Variants in CFAP69 observed in about 807,000 individuals in gnomAD.
The protein encoded by CFAP69 is cilia- and flagella-associated protein 69.
CFAP69 carries 92 observed loss-of-function variants against 123.0 expected under a neutral mutation model. The observed-to-expected ratio is 0.75, with a 90% CI of 0.63 to 0.89. The LOEUF (loss-of-function observed/expected upper bound fraction) is 0.89, where lower values mean the gene tolerates loss of function less well. Ranked by LOEUF, CFAP69 falls within the 40% of genes least tolerant of loss-of-function variation. CFAP69 has a pLI of 0.00. For missense variants in CFAP69, 1,067 were observed against 1,096.9 expected (o/e 0.97, Z 0.39); for synonymous variants, 380 against 364.3 (o/e 1.04, Z -0.49).
chr7:90,304,353 G>A, intron 18 of CFAP69: 1 of 1,252,394 alleles, frequency 8.0e-7, no homozygotes. Flanking sequence ...ATAGGATTAA[G>A]GACAGTTAGT....
chr7:90,286,521 G>C, intron 14 of CFAP69, 122 bp downstream of exon 14: 1 of 987,340 alleles, frequency 1.0e-6, no homozygotes, highest in Non-Finnish European at 1.5e-6. Context: ...TTAATAATTA[G>C]AGCATAATTA....
At position 90,265,286 on chromosome 7, in the gene CFAP69, T is replaced by G. The variant is rs1213819041; in HGVS notation, c.357-15T>G. 1 of 1,562,726 alleles carries G rather than the reference T, an allele frequency of 6.4e-7. No homozygotes were observed. Reference sequence around the variant, plus strand: ...TATTAAAAATTACTGTTACAATTCTTCATTCTTATTGAAGCTTGCCATTTT... The same window carrying G: ...TATTAAAAATTACTGTTACAATTCTGCATTCTTATTGAAGCTTGCCATTTT... On this transcript the variant is annotated splice_polypyrimidine_tract_variant and intron_variant, in intron 4 of 22. Coordinates refer to ENST00000389297, the MANE Select transcript of CFAP69 (RefSeq NM_001039706.3).
intron 11 of CFAP69, among the ~76,000 whole-genome samples, chr7:90,278,820 G>A (rs1443466227): frequency 2.6e-5 from 4 of 151,994 alleles, no homozygotes; most frequent in Non-Finnish European, 5.9e-5. Flanking sequence ...CTTAATTCTA[G>A]CAAGAATGTT....
At chr7:90,261,194 C>T (rs1798281353) in intron 3 of CFAP69, among the ~76,000 whole-genome samples, 1 of 152,092 alleles carries the variant, frequency 6.6e-6, no homozygotes, top group South Asian at 2.1e-4. Flanking sequence ...ATTCTCCTGC[C>T]TCAGCCTCCT....
At chr7:90,277,554 T>C (rs991725104) in intron 11 of CFAP69, among the ~76,000 whole-genome samples, 1 of 152,036 alleles carries the variant, frequency 6.6e-6, no homozygotes, top group Non-Finnish European at 1.5e-5. Context: ...CAGAGAAAAA[T>C]AGTAGAACCT....
At chr7:90,313,818 T>C (rs953722772), downstream of CFAP69, among the ~76,000 whole-genome samples, 1 of 152,188 alleles carries the variant, frequency 6.6e-6, no homozygotes, top group Non-Finnish European at 1.5e-5. Context: ...TAACTACCCA[T>C]TCTCAAGTAT....
intron 12 of CFAP69, 33 bp from the exon 13 acceptor site, chr7:90,282,859 T>G: frequency 7.0e-7 from 1 of 1,418,470 alleles, no homozygotes; most frequent in Non-Finnish European, 9.3e-7. Flanking sequence ...ATTTGAAATG[T>G]TTTTGTTTTA....
chr7:90,301,102 G>T (rs1249907280), intron 17 of CFAP69: 2 of 152,018 alleles, frequency 1.3e-5, no homozygotes, highest in African/African-American at 4.8e-5. Context: ...CTGAGTAGCT[G>T]GGTCTACAGG....
Position 90,247,839 on chromosome 7 carries a change from G to A in CFAP69, c.120+2295G>A, listed in dbSNP as rs903502756. Among the ~76,000 whole-genome samples, 7 of 152,108 alleles carry A rather than the reference G, an allele frequency of 4.6e-5. No homozygotes were observed. In the East Asian group the frequency reaches 7.7e-4, roughly 17 times the overall value. Reference sequence around the variant, plus strand: ...CAGCCTGGCGACAGAGTGAGCCTCCGTCTCAAAAAAACAAAACAAAACAAA... The same window carrying A: ...CAGCCTGGCGACAGAGTGAGCCTCCATCTCAAAAAAACAAAACAAAACAAA... On this transcript the variant is annotated intron_variant, in intron 1 of 22. Coordinates refer to ENST00000389297, the MANE Select transcript of CFAP69 (RefSeq NM_001039706.3).
chr7:90,256,034 G>A (rs759549610), intron 2 of CFAP69, among the ~76,000 whole-genome samples: 12 of 152,190 alleles, frequency 7.9e-5, no homozygotes, highest in East Asian at 7.7e-4. Context: ...ATCAAGAATC[G>A]ACTGAATGCC....
intron 11 of CFAP69, among the ~76,000 whole-genome samples, chr7:90,279,138 AACTG>A (rs1224709603): frequency 6.6e-6 from 1 of 152,102 alleles, no homozygotes; most frequent in East Asian, 1.9e-4. Flanking sequence ...CTTGTGACCT[AACTG>A]ACATTTATTT....
intron 17 of CFAP69, 186 bp from the exon 18 acceptor site, chr7:90,303,783 A>T: frequency 8.5e-7 from 1 of 1,176,370 alleles, no homozygotes; most frequent in Middle Eastern, 3.4e-4. Context: ...AAGTTTTGCC[A>T]CAGAGTGGGG....
At chr7:90,297,018 A>G (rs144745250) in intron 15 of CFAP69, among the ~76,000 whole-genome samples, 38 of 152,232 alleles carry the variant, frequency 2.5e-4, no homozygotes, top group Non-Finnish European at 2.8e-4. Flanking sequence ...AGGGGAGGGG[A>G]TTCGCTACAG....
At chr7:90,312,896 CAG>C (rs1439947223), downstream of CFAP69, 1 of 152,218 alleles carries the variant, frequency 6.6e-6, no homozygotes, top group Non-Finnish European at 1.5e-5. Flanking sequence ...TCAGTGAGCA[CAG>C]ATAAAAGTAG....
chr7:90,290,598 G>A (rs1320277323), intron 15 of CFAP69, among the ~76,000 whole-genome samples: 1 of 152,098 alleles, frequency 6.6e-6, no homozygotes, highest in African/African-American at 2.4e-5. Context: ...GGCCACCCCA[G>A]GGGTAAAACC....
At chr7:90,291,181 C>G (rs1013356105) in intron 15 of CFAP69, among the ~76,000 whole-genome samples, 2 of 152,126 alleles carry the variant, frequency 1.3e-5, no homozygotes, top group African/African-American at 4.8e-5. Flanking sequence ...ATGGCTACTC[C>G]ATAATCAGAG....
chr7:90,286,079 A>T (rs1001262375), intron 13 of CFAP69, among the ~76,000 whole-genome samples: 14 of 152,168 alleles, frequency 9.2e-5, no homozygotes, highest in African/African-American at 3.4e-4. Context: ...AGGCAGGAGG[A>T]TTACTTGAGC....
At chr7:90,277,581 C>T (rs1470612794) in intron 11 of CFAP69, among the ~76,000 whole-genome samples, 4 of 152,022 alleles carry the variant, frequency 2.6e-5, no homozygotes, top group Non-Finnish European at 5.9e-5. Flanking sequence ...TTTAATAATA[C>T]AGTTAGATCT....
At position 90,271,942 on chromosome 7, in the gene CFAP69, A is replaced by G; in HGVS notation, c.844A>G (p.Asn282Asp). 2 of 1,611,870 alleles carry G rather than the reference A, an allele frequency of 1.2e-6. No homozygotes were observed. The highest frequency in any genetic ancestry group is 2.2e-5 in the East Asian group (1 of 44,838). The part of the protein sequence containing the change: ...SKEEVIQQLS[N>D]LECLLALKEV... ...AGAAGAAGTCATACAACAGCTTAGT[A>G]ACTTGGAATGTTTGCTGTAAGCGTA... Residue 282 changes from asparagine to aspartate, a missense_variant, in exon 8 of 23, where the codon AAC (asparagine) becomes GAC (aspartate). Coordinates refer to ENST00000389297, the MANE Select transcript of CFAP69 (RefSeq NM_001039706.3).
Sources: allele counts gnomAD v4.1 joint callset (sites outside exome capture counted in the v4.1 genomes callset), GRCh38; gene constraint gnomAD v4.1.1; transcripts MANE v1.5; gene names NCBI Gene and HGNC (gene_info 2026-07-23, HGNC 2026-07-21).